Variants in RFT1 observed in about 807,000 individuals in gnomAD.
RFT1 encodes man(5)GlcNAc(2)-PP-dolichol translocation protein RFT1.
In RFT1, 43 loss-of-function variants were observed where a neutral mutation model predicts 62.2. The ratio of observed to expected loss-of-function variants is 0.69; its 90% CI spans 0.54 to 0.89. The LOEUF is 0.89. Ranked by LOEUF, RFT1 falls within the 40% of genes least tolerant of loss-of-function variation. The pLI, the probability that RFT1 is intolerant of heterozygous loss-of-function variation, is 0.00. For missense variants in RFT1, 605 were observed against 649.9 expected (o/e 0.93, Z 0.75); for synonymous variants, 262 against 264.6 (o/e 0.99, Z 0.10).
At chr3:53,067,398 A>C in the RFT1 span, among the ~76,000 whole-genome samples, 45 of 152,310 alleles carry the variant, frequency 3.0e-4, no homozygotes, top group African/African-American at 1.0e-3. Flanking sequence ...AGGAGGCCAC[A>C]CACAGAAGAA....
At chr3:53,098,003 A>G (rs1344358533) in intron 11 of RFT1, among the ~76,000 whole-genome samples, 1 of 152,214 alleles carries the variant, frequency 6.6e-6, no homozygotes, top group Non-Finnish European at 1.5e-5. Context: ...ATGGCATGGC[A>G]TTTTTGAAAA....
At chr3:53,116,074 T>C (rs1701782572) in intron 6 of RFT1, among the ~76,000 whole-genome samples, 1 of 152,222 alleles carries the variant, frequency 6.6e-6, no homozygotes, top group South Asian at 2.1e-4. Context: ...CATTAATTTA[T>C]TATAAGGTTA....
chr3:53,103,224 A>C, intron 10 of RFT1: 2 of 985,352 alleles, frequency 2.0e-6, no homozygotes, highest in Non-Finnish European at 2.4e-6. Context: ...TTATATTGAG[A>C]TGGGGCAGCA....
At chr3:53,087,190 T>C (rs966487639), downstream of RFT1, among the ~76,000 whole-genome samples, 25 of 152,192 alleles carry the variant, frequency 1.6e-4, no homozygotes, top group African/African-American at 5.3e-4. Context: ...TGAGCCAAGA[T>C]CGTGCCACTG....
rs187313098 is a variant in RFT1 at position 53,129,873 on chromosome 3, T to C, written c.63+465A>G. On this transcript the variant is annotated intron_variant, in intron 1 of 12. Transcript: ENST00000296292. ...CTCAGGCTCTGCAGGTGAAGTCACT[T>C]GTCCTGGGTCACGGAGCAATCCAAG... is the stretch of plus-strand genomic sequence containing the variant. Among the ~76,000 whole-genome samples, 12 of 152,344 alleles carry C rather than the reference T, an allele frequency of 7.9e-5. No homozygotes were observed. The East Asian group carries it at 2.1e-3, about 27-fold the overall frequency.
At chr3:53,077,502 C>G in the RFT1 span, among the ~76,000 whole-genome samples, 1 of 152,250 alleles carries the variant, frequency 6.6e-6, no homozygotes, top group Admixed American at 6.5e-5. Context: ...GCCCTGTCGC[C>G]CACAGAAGGA....
At chr3:53,099,655 C>T (rs539162905) in intron 10 of RFT1, among the ~76,000 whole-genome samples, 169 bp from the exon 11 acceptor site, 3 of 152,244 alleles carry the variant, frequency 2.0e-5, no homozygotes, top group East Asian at 3.9e-4. Context: ...TAGAAGGATT[C>T]CCAACATTCT....
chr3:53,087,047 G>A (rs894181883), downstream of RFT1, among the ~76,000 whole-genome samples: 23 of 152,146 alleles, frequency 1.5e-4, no homozygotes, highest in Non-Finnish European at 2.8e-4. Flanking sequence ...AGACCAGCCT[G>A]GCCAACATGG....
the RFT1 span, among the ~76,000 whole-genome samples, chr3:53,068,969 C>T: frequency 6.6e-6 from 1 of 152,292 alleles, no homozygotes; most frequent in East Asian, 1.9e-4. Flanking sequence ...GATGGAGTTT[C>T]ACTTTTGTTG....
At chr3:53,085,355 C>T (rs1020867580), downstream of RFT1, among the ~76,000 whole-genome samples, 2 of 152,250 alleles carry the variant, frequency 1.3e-5, no homozygotes, top group African/African-American at 4.8e-5. Context: ...CTGGCATCCC[C>T]TTCCCTCCTT....
chr3:53,092,846 A>G (rs1559579295), intron 11 of RFT1, among the ~76,000 whole-genome samples: 1 of 152,202 alleles, frequency 6.6e-6, no homozygotes, highest in Non-Finnish European at 1.5e-5. Flanking sequence ...GAAGACAATA[A>G]TTAGTTAGTT....
At chr3:53,129,547 G>A (rs1431887705) in intron 1 of RFT1, among the ~76,000 whole-genome samples, 1 of 152,102 alleles carries the variant, frequency 6.6e-6, no homozygotes, top group East Asian at 1.9e-4. Context: ...ATTGGCTCAA[G>A]AGTGAGACAG....
At chr3:53,099,165 G>T (rs955088250) in intron 11 of RFT1, among the ~76,000 whole-genome samples, 1 of 152,200 alleles carries the variant, frequency 6.6e-6, no homozygotes, top group African/African-American at 2.4e-5. Flanking sequence ...GGGAGGCAAA[G>T]AGTAGTTGCT....
chr3:53,071,592 C>A, the RFT1 span, among the ~76,000 whole-genome samples: 1 of 152,218 alleles, frequency 6.6e-6, no homozygotes, highest in Non-Finnish European at 1.5e-5. Flanking sequence ...ACGGGCCCAG[C>A]AGCCATGTTG....
intron 7 of RFT1, among the ~76,000 whole-genome samples, chr3:53,110,320 T>G (rs1701610224): frequency 6.6e-6 from 1 of 152,224 alleles, no homozygotes; most frequent in Admixed American, 6.5e-5. Context: ...GTTGCTTTTC[T>G]TACCCCATTC....
chr3:53,120,133 T>G lies in RFT1; in HGVS notation c.559-112A>C, dbSNP rs140454877. 632 of 862,022 alleles carry G rather than the reference T, an allele frequency of 7.3e-4. 5 individuals are homozygous for G. In the African/African-American group the frequency reaches 9.8e-3, roughly 13 times the overall value. 53.4% of individuals were successfully genotyped at this position (862,022 alleles called of 1,614,324 possible). ...CTCTCTTGATTAACTGCACTTTCTA[T>G]TCAGCAATGCCTTACCCTCTGGGAA... On this transcript the variant is annotated intron_variant, in intron 5 of 12. Transcript: ENST00000296292.
chr3:53,079,490 T>C, the RFT1 span, among the ~76,000 whole-genome samples: 6 of 152,092 alleles, frequency 3.9e-5, no homozygotes, highest in African/African-American at 9.7e-5. Flanking sequence ...TCCCAGCACT[T>C]TGGGAGGCTG....
At chr3:53,125,160 A>C (rs192197404) in intron 2 of RFT1, among the ~76,000 whole-genome samples, 22 of 152,322 alleles carry the variant, frequency 1.4e-4, no homozygotes, top group Admixed American at 7.2e-4. Context: ...CCTGCCACTA[A>C]GCTCTGAGAC....
At chr3:53,083,200 C>CAAAAAA in the RFT1 span, among the ~76,000 whole-genome samples, 5 of 39,372 alleles carry the variant, frequency 1.3e-4, no homozygotes, top group African/African-American at 2.7e-4. Context: ...GATTCCATCT[C>CAAAAAA]AAAAAAAAAA....
Sources: gnomAD v4.1 joint callset for allele counts (sites outside exome capture counted in the v4.1 genomes callset) on GRCh38, gnomAD v4.1.1 for gene constraint, MANE v1.5 for transcripts, NCBI Gene and HGNC (gene_info 2026-07-23, HGNC 2026-07-21) for gene names.